Variants in REEP1 observed in about 807,000 individuals in gnomAD.
REEP1 encodes the protein receptor expression-enhancing protein 1.
A neutral mutation model predicts 40.3 loss-of-function variants in REEP1; 22 were observed. That is an observed-to-expected ratio of 0.55 (90% CI 0.39 to 0.78). REEP1 has a LOEUF of 0.78. Ranked by LOEUF, REEP1 falls within the 30% of genes least tolerant of loss-of-function variation. The pLI is 0.00. For synonymous variants in REEP1, 116 were observed against 139.2 expected (o/e 0.83, Z 1.17); for missense variants, 280 against 361.1 (o/e 0.78, Z 1.82).
At chr2:86,223,100 G>A (rs1337737086) in intron 7 of REEP1, among the ~76,000 whole-genome samples, 1 of 152,240 alleles carries the variant, frequency 6.6e-6, no homozygotes, top group African/African-American at 2.4e-5. Context: ...CCACGGCCTT[G>A]AGCCTGCAGA....
At chr2:86,300,351 C>T (rs984289485) in intron 1 of REEP1, among the ~76,000 whole-genome samples, 1 of 152,178 alleles carries the variant, frequency 6.6e-6, no homozygotes, top group Admixed American at 6.5e-5. Context: ...AAGCCAGTTT[C>T]ATACCACACA....
chr2:86,314,480 G>A (rs965867601), intron 1 of REEP1, among the ~76,000 whole-genome samples: 10 of 151,914 alleles, frequency 6.6e-5, no homozygotes, highest in African/African-American at 2.4e-4. Flanking sequence ...CAGGCTGGCT[G>A]GGGTGAGCCA....
intron 6 of REEP1, among the ~76,000 whole-genome samples, chr2:86,229,385 G>A (rs1389555505): frequency 6.6e-6 from 1 of 152,078 alleles, no homozygotes; most frequent in African/African-American, 2.4e-5. Flanking sequence ...CCCTTTTCTG[G>A]GGCCCTTTCT....
chr2:86,236,789 T>C (rs1675353377), intron 5 of REEP1, among the ~76,000 whole-genome samples: 1 of 151,630 alleles, frequency 6.6e-6, no homozygotes, highest in East Asian at 1.9e-4. Flanking sequence ...CAGGCTGGAG[T>C]GCAGTGGTGC....
intron 1 of REEP1, among the ~76,000 whole-genome samples, chr2:86,298,514 C>T (rs999135192): frequency 6.6e-6 from 1 of 152,190 alleles, no homozygotes; most frequent in Non-Finnish European, 1.5e-5. Flanking sequence ...AGCACCGTGT[C>T]GAGTTCTGGG....
intron 1 of REEP1, among the ~76,000 whole-genome samples, chr2:86,324,619 C>T (rs188277837): frequency 3.3e-5 from 5 of 152,240 alleles, no homozygotes; most frequent in East Asian, 3.9e-4. Context: ...ATTTTCATCA[C>T]GCCACGTAAT....
intron 1 of REEP1, among the ~76,000 whole-genome samples, chr2:86,283,504 G>A (rs542825380): frequency 1.6e-3 from 242 of 152,300 alleles, no homozygotes; most frequent in Non-Finnish European, 2.6e-3. Context: ...GAAACCCAAA[G>A]CTGTAGTTCA....
chr2:86,293,258 A>G (rs59523869), intron 1 of REEP1, among the ~76,000 whole-genome samples: 16,168 of 152,184 alleles, frequency 0.11, 1,678 homozygotes, highest in African/African-American at 0.27. Flanking sequence ...GATACCTCAA[A>G]GTCAGAGGTT....
chr2:86,276,000 G>C (rs943757111), intron 2 of REEP1, among the ~76,000 whole-genome samples: 2 of 152,188 alleles, frequency 1.3e-5, no homozygotes, highest in African/African-American at 4.8e-5. Flanking sequence ...CAGCAGAGGA[G>C]GCTCCTAGTG....
chr2:86,279,896 C>A, intron 2 of REEP1: 1 of 452,654 alleles, frequency 2.2e-6, no homozygotes. Context: ...GTGTTTTAAG[C>A]CACTAAGTTC....
At chr2:86,327,222 C>A (rs564101296) in intron 1 of REEP1, among the ~76,000 whole-genome samples, 8 of 152,304 alleles carry the variant, frequency 5.3e-5, no homozygotes, top group Admixed American at 5.2e-4. Flanking sequence ...TTCCCTCCCC[C>A]AGGATATGCT....
intron 8 of REEP1, among the ~76,000 whole-genome samples, chr2:86,218,358 A>G (rs1054199451): frequency 6.6e-6 from 1 of 152,098 alleles, no homozygotes; most frequent in African/African-American, 2.4e-5. Context: ...CGCATTCACC[A>G]CCATTTCCTG....
At chr2:86,276,573 A>AT in intron 2 of REEP1, among the ~76,000 whole-genome samples, 1 of 152,340 alleles carries the variant, frequency 6.6e-6, no homozygotes, top group South Asian at 2.1e-4. Context: ...GCTACCTGGC[A>AT]TTGGAGGGTT....
Position 86,230,743 on chromosome 2 carries a change from G to A in REEP1, c.595+1882C>T, listed in dbSNP as rs114854247. 8.1e-3 allele frequency among the ~76,000 whole-genome samples: 1,229 copies of A among 152,316 alleles called. 21 individuals are homozygous for A. The highest frequency in any genetic ancestry group is 0.029 in the African/African-American group (1,187 of 41,564). On this transcript the variant is annotated intron_variant, in intron 6 of 8. Coordinates refer to ENST00000538924, the MANE Select transcript of REEP1 (RefSeq NM_001371279.1). ...TGAAGCCTCACAACAACTCTACAAA[G>A]GGGTGTCATTCCTTGTGTAGATAAG...
intron 1 of REEP1, among the ~76,000 whole-genome samples, chr2:86,309,044 TGGCATCCACCTTTA>T (rs978203840): frequency 1.3e-5 from 2 of 152,198 alleles, no homozygotes; most frequent in African/African-American, 4.8e-5. Flanking sequence ...GGTGCTGCCT[TGGCATCCACCTTTA>T]GGCCTGACAT....
intron 2 of REEP1, among the ~76,000 whole-genome samples, chr2:86,272,557 A>G (rs959486711): frequency 6.6e-6 from 1 of 152,042 alleles, no homozygotes; most frequent in Non-Finnish European, 1.5e-5. Flanking sequence ...TCCTCCCTAG[A>G]GCTCTGTTCT....
intron 5 of REEP1, among the ~76,000 whole-genome samples, chr2:86,242,778 G>T (rs765930348): frequency 1.3e-5 from 2 of 152,116 alleles, no homozygotes; most frequent in Non-Finnish European, 2.9e-5. Context: ...GAGAGCAGTC[G>T]ACCATTTGGG....
chr2:86,308,862 T>C (rs1340309472), intron 1 of REEP1, among the ~76,000 whole-genome samples: 1 of 151,630 alleles, frequency 6.6e-6, no homozygotes, highest in African/African-American at 2.4e-5. Flanking sequence ...GCAGGGAGGG[T>C]TTAGCATACA....
intron 1 of REEP1, chr2:86,336,956 T>G (rs1681071936): frequency 6.6e-6 from 1 of 152,412 alleles, no homozygotes; most frequent in Non-Finnish European, 1.5e-5. Flanking sequence ...AAAGGAGGAT[T>G]TTTCCAACCC....
Sources: allele counts gnomAD v4.1 joint callset (sites outside exome capture counted in the v4.1 genomes callset), GRCh38; gene constraint gnomAD v4.1.1; transcripts MANE v1.5; gene names NCBI Gene and HGNC (gene_info 2026-07-23, HGNC 2026-07-21).